The following PARD3B variants were observed in gnomAD, a reference collection of about 807,000 sequenced individuals.
PARD3B encodes the protein partitioning defective 3 homolog B.
In PARD3B, 103 loss-of-function variants were observed where a neutral mutation model predicts 130.2. The observed-to-expected ratio is 0.79, with a 90% CI of 0.67 to 0.93. The LOEUF is 0.93. Ranked by LOEUF, PARD3B falls within the 40% of genes least tolerant of loss-of-function variation. The pLI, the probability that PARD3B is intolerant of heterozygous loss-of-function variation, is 0.00. For synonymous variants in PARD3B, 583 were observed against 553.2 expected (o/e 1.05, Z -0.76); for missense variants, 1,609 against 1,499.2 (o/e 1.07, Z -1.21).
intron 2 of PARD3B, among the ~76,000 whole-genome samples, chr2:204,740,306 GCCACTATGC>G (rs1178700742): frequency 6.6e-6 from 1 of 152,094 alleles, no homozygotes; most frequent in Non-Finnish European, 1.5e-5. Flanking sequence ...ACAAGTGTGA[GCCACTATGC>G]CCGGCCAACT....
In PARD3B at chr2:205,121,315, C is replaced by T. The variant is rs1383846187; in HGVS notation, c.807-276C>T. ...TCTCTCTGAGCCTCAACTTCCATGT[C>T]CGTGAAATGAAAGCTATTTATACTT... On this transcript the variant is annotated intron_variant, in intron 7 of 22. Coordinates refer to ENST00000406610, the MANE Select transcript of PARD3B (RefSeq NM_001302769.2). The surrounding 1 kb of genome is among the most constrained non-coding windows in gnomAD (Gnocchi z 5.0). Among the ~76,000 whole-genome samples the T allele has an allele frequency of 2.6e-5, 4 of 152,188 alleles. No homozygotes were observed. Among genetic ancestry groups the T allele is most frequent in the Admixed American group, 1.3e-4 (2 of 15,284 alleles).
chr2:204,822,927 T>C (rs1381299205), intron 2 of PARD3B, among the ~76,000 whole-genome samples: 1 of 152,218 alleles, frequency 6.6e-6, no homozygotes, highest in Non-Finnish European at 1.5e-5. Context: ...TTTAGCTTCA[T>C]CTGCTCTCTT....
chr2:204,558,492 G>T (rs565087665), intron 1 of PARD3B, among the ~76,000 whole-genome samples: 1 of 152,190 alleles, frequency 6.6e-6, no homozygotes, highest in Non-Finnish European at 1.5e-5. Flanking sequence ...CAAGGGATGT[G>T]AAGGACCTCT....
chr2:204,883,991 C>T lies in PARD3B; in HGVS notation c.223-81161C>T, dbSNP rs542660953. ...TGACCTGGTGATCCACCCGCCTTGG[C>T]CTCCCAAAGTGTTGGGATTACAGGT... On this transcript the variant is annotated intron_variant, in intron 2 of 22. Transcript: ENST00000406610. 7.2e-5 allele frequency among the ~76,000 whole-genome samples: 11 copies of T among 152,182 alleles called. No individual in the cohort carries two copies. The South Asian group carries it at 2.1e-3, about 29-fold the overall frequency.
intron 18 of PARD3B, among the ~76,000 whole-genome samples, chr2:205,390,124 T>C (rs2045800871): frequency 6.6e-6 from 1 of 151,766 alleles, no homozygotes; most frequent in Non-Finnish European, 1.5e-5. Context: ...ATGCATTAAT[T>C]ATTTTTCTTC....
intron 2 of PARD3B, among the ~76,000 whole-genome samples, chr2:204,793,423 A>C (rs1419747753): frequency 6.6e-6 from 1 of 152,076 alleles, no homozygotes; most frequent in Admixed American, 6.5e-5. Flanking sequence ...TAGGATTGTA[A>C]ATCTGGAAGG....
At chr2:204,901,995 T>C (rs771601990) in intron 2 of PARD3B, among the ~76,000 whole-genome samples, 11 of 152,100 alleles carry the variant, frequency 7.2e-5, no homozygotes, top group Non-Finnish European at 1.6e-4. Context: ...TCCTCTCTAC[T>C]CTTCCCCTCC....
intron 2 of PARD3B, among the ~76,000 whole-genome samples, chr2:204,755,653 AG>A (rs1323392688): frequency 1.3e-5 from 2 of 152,168 alleles, no homozygotes; most frequent in Non-Finnish European, 2.9e-5. Flanking sequence ...ACTGAATCAC[AG>A]TTCAGAATAT....
At chr2:205,182,301 A>G (rs1441648962) in intron 13 of PARD3B, among the ~76,000 whole-genome samples, 1 of 148,282 alleles carries the variant, frequency 6.7e-6, no homozygotes, top group African/African-American at 2.5e-5. Context: ...CAAAAAAAGA[A>G]AAAAAAAAAA....
At chr2:205,215,439 A>T (rs1022537140) in intron 15 of PARD3B, among the ~76,000 whole-genome samples, 2 of 152,160 alleles carry the variant, frequency 1.3e-5, no homozygotes, top group Non-Finnish European at 2.9e-5. Flanking sequence ...AAAATACTTG[A>T]CAAAAGATTA....
chr2:204,628,014 T>A (rs1022008092), intron 1 of PARD3B, among the ~76,000 whole-genome samples: 2 of 150,740 alleles, frequency 1.3e-5, no homozygotes, highest in African/African-American at 2.4e-5. Context: ...TGATTAGTGA[T>A]CATTAGTAGT....
At chr2:205,518,957 T>A (rs2050910690) in intron 21 of PARD3B, among the ~76,000 whole-genome samples, 1 of 152,202 alleles carries the variant, frequency 6.6e-6, no homozygotes, top group Non-Finnish European at 1.5e-5. Context: ...AGGTCTGCCA[T>A]TAGCCTCGAT....
intron 4 of PARD3B, among the ~76,000 whole-genome samples, chr2:205,085,126 T>C (rs932358024): frequency 1.3e-5 from 2 of 152,080 alleles, no homozygotes; most frequent in South Asian, 4.1e-4. Context: ...GAGGCTACGT[T>C]GTTAGGTGCG....
intron 15 of PARD3B, among the ~76,000 whole-genome samples, chr2:205,245,116 A>G (rs890602389): frequency 1.3e-5 from 2 of 152,128 alleles, no homozygotes; most frequent in Admixed American, 1.3e-4. Flanking sequence ...CCATGCCCTC[A>G]AGCTGGGGCC....
intron 1 of PARD3B, among the ~76,000 whole-genome samples, chr2:204,657,103 A>G (rs570933364): frequency 1.3e-5 from 2 of 152,174 alleles, no homozygotes; most frequent in South Asian, 4.1e-4. Context: ...TGATGCACAG[A>G]TTCCATCCCA....
intron 2 of PARD3B, among the ~76,000 whole-genome samples, chr2:204,809,533 C>G (rs2042891301): frequency 1.3e-5 from 2 of 151,652 alleles, no homozygotes; most frequent in Non-Finnish European, 3.0e-5. Context: ...TGAACATTGT[C>G]AAAGAACAGG....
intron 2 of PARD3B, among the ~76,000 whole-genome samples, chr2:204,745,918 C>G (rs1262318231): frequency 6.6e-6 from 1 of 151,666 alleles, no homozygotes; most frequent in Non-Finnish European, 1.5e-5. Context: ...TTGTTTTTGC[C>G]TTCCTTAATT....
At position 205,226,089 on chromosome 2, in the gene PARD3B, C is replaced by T. The variant is rs184176849; in HGVS notation, c.2141-19689C>T. 1.9e-3 allele frequency among the ~76,000 whole-genome samples: 284 copies of T among 152,260 alleles called. 2 individuals are homozygous for T. The highest frequency in any genetic ancestry group is 4.8e-3 in the Admixed American group (73 of 15,294). On this transcript the variant is annotated intron_variant, in intron 15 of 22. Transcript: ENST00000406610. ...AAGAGTCTCGTTGTGTCACCCAGGCCAGAGTGCAGTGGCACAATCTCTGCT... is the reference window on the plus strand; with the variant it reads ...AAGAGTCTCGTTGTGTCACCCAGGCTAGAGTGCAGTGGCACAATCTCTGCT...
chr2:205,384,638 A>G (rs1442377433), intron 18 of PARD3B, among the ~76,000 whole-genome samples: 1 of 152,082 alleles, frequency 6.6e-6, no homozygotes, highest in East Asian at 1.9e-4. Flanking sequence ...CCTGAGGTTA[A>G]TTTGTGGTAT....
Sources: allele counts gnomAD v4.1 joint callset (sites outside exome capture counted in the v4.1 genomes callset), GRCh38; gene constraint gnomAD v4.1.1; non-coding constraint Gnocchi (gnomAD v3.1); transcripts MANE v1.5; gene names NCBI Gene and HGNC (gene_info 2026-07-23, HGNC 2026-07-21).